Variants in MRPS35 observed in about 807,000 individuals in gnomAD.
MRPS35 encodes small ribosomal subunit protein mS35.
MRPS35 carries 29 observed loss-of-function variants against 32.7 expected under a neutral mutation model. The ratio of observed to expected loss-of-function variants is 0.89; its 90% CI spans 0.66 to 1.21. The LOEUF (loss-of-function observed/expected upper bound fraction) is 1.21. Among genes scored for constraint, MRPS35 ranks in the 50% most tolerant of loss-of-function variants. The pLI, the probability that MRPS35 is intolerant of heterozygous loss-of-function variation, is 0.00. For synonymous variants in MRPS35, 148 were observed against 139.3 expected, an observed-to-expected ratio of 1.06 and a Z score of -0.44; for missense variants, 373 against 383.8, an observed-to-expected ratio of 0.97 and a Z score of 0.23.
intron 7 of MRPS35, among the ~76,000 whole-genome samples, chr12:27,753,923 T>C (rs1269011645): frequency 1.3e-5 from 2 of 152,186 alleles, no homozygotes; most frequent in Non-Finnish European, 2.9e-5. Flanking sequence ...CAAAACATTG[T>C]TCACATTATG....
In MRPS35 at chr12:27,755,516, G is replaced by T; in HGVS notation, c.*66G>T. ...GATATATGTGATCAGTATCTAATTT[G>T]ATATAAAATTGAAAATGTTAAAAAA... On this transcript the variant is annotated 3_prime_UTR_variant, in exon 8 of 8. Transcript: ENST00000081029. 1 of 1,336,984 alleles carries T rather than the reference G, an allele frequency of 7.5e-7. No homozygotes were observed. Among genetic ancestry groups the T allele is most frequent in the Non-Finnish European group, 9.9e-7 (1 of 1,012,266 alleles). The allele number at this position is 1,336,984 out of a possible 1,614,324, so 82.8% of individuals were successfully genotyped here.
chr12:27,727,970 A>G (rs1313170459), intron 5 of MRPS35, among the ~76,000 whole-genome samples: 1 of 152,138 alleles, frequency 6.6e-6, no homozygotes, highest in African/African-American at 2.4e-5. Flanking sequence ...AATAGTTGTT[A>G]TACTGTATTT....
chr12:27,731,843 A>G (rs2061923320), intron 5 of MRPS35, among the ~76,000 whole-genome samples: 2 of 152,248 alleles, frequency 1.3e-5, no homozygotes, highest in Non-Finnish European at 2.9e-5. Context: ...TGCTGGGATT[A>G]CAGGTGTGAG....
At chr12:27,729,062 A>T (rs1259713100) in intron 5 of MRPS35, among the ~76,000 whole-genome samples, 2 of 152,154 alleles carry the variant, frequency 1.3e-5, no homozygotes, top group Non-Finnish European at 2.9e-5. Flanking sequence ...TTGAACAAGT[A>T]ATCTGTGGGT....
At chr12:27,719,099 AAAAC>A (rs1460116963) in intron 3 of MRPS35, among the ~76,000 whole-genome samples, 1 of 152,172 alleles carries the variant, frequency 6.6e-6, no homozygotes, top group African/African-American at 2.4e-5. Context: ...AAAAAAGAAA[AAAAC>A]AAAACAAAAA....
Position 27,751,124 on chromosome 12 carries a change from A to AAAAAAG in MRPS35, c.703-4055_703-4054insAAAGAA, listed in dbSNP as rs71679053. ...TCTCAAAAAAAAAAAAAAAAAAAAA[A>AAAAAAG]AAGAAAAGAAAAGAAAAAGGAAAAG... On this transcript the variant is annotated intron_variant, in intron 7 of 7. Transcript: ENST00000081029. Among the ~76,000 whole-genome samples the AAAAAAG allele has an allele frequency of 7.5e-5, 11 of 147,472 alleles. No individual in the cohort carries two copies. The East Asian group carries it at 1.9e-3, about 25-fold the overall frequency.
chr12:27,714,812 A>C lies in MRPS35; in HGVS notation c.145A>C (p.Arg49=). The C allele has an allele frequency of 6.2e-7, 1 of 1,611,002 alleles. No individual in the cohort carries two copies. Residue 49 remains arginine, a synonymous_variant, in exon 2 of 8, where the codon AGA becomes CGA. Transcript: ENST00000081029. ...AACACCCGGAAATGAAAGGCCACCAAGAAGAAAGGTAAAAAGTTCGTATAC... is the reference window on the plus strand; with the variant it reads ...AACACCCGGAAATGAAAGGCCACCACGAAGAAAGGTAAAAAGTTCGTATAC... ...ERTPGNERPP[R]RKALPPRTEK... is the part of the protein sequence containing the mutation.
In MRPS35 at chr12:27,724,144, AC is replaced by A. The variant is rs1253408465; in HGVS notation, c.482del (p.Pro161HisfsTer10). ...IDSTDYVSSG[P>X]SVRNPRARVV... Reference sequence around the variant, plus strand: ...ACAGCACTGATTATGTTTCATCAGGACCATCTGTTCGGAACCCCAGAGCACG... The same window carrying A: ...ACAGCACTGATTATGTTTCATCAGGACATCTGTTCGGAACCCCAGAGCACG... On this transcript the variant is annotated frameshift_variant, in exon 5 of 8. Transcript: ENST00000081029. LOFTEE classifies it high-confidence loss of function. 6.2e-7 allele frequency: 1 copy of A among 1,611,036 alleles called. No homozygotes were observed. The highest frequency in any genetic ancestry group is 1.7e-5 in the Admixed American group (1 of 59,282).
At chr12:27,737,656 A>C (rs746066731) in intron 7 of MRPS35, 48 bp downstream of exon 7, 6 of 1,441,644 alleles carry the variant, frequency 4.2e-6, no homozygotes, top group Non-Finnish European at 3.9e-6. Context: ...AATTTAGATG[A>C]TGTTAACCTT....
chr12:27,747,705 C>G (rs2061986027), intron 7 of MRPS35, among the ~76,000 whole-genome samples: 1 of 152,104 alleles, frequency 6.6e-6, no homozygotes, highest in Non-Finnish European at 1.5e-5. Context: ...TAGGAGGTGA[C>G]AGGCTTGTGT....
intron 5 of MRPS35, among the ~76,000 whole-genome samples, chr12:27,728,597 T>C (rs1440325533): frequency 6.6e-6 from 1 of 152,134 alleles, no homozygotes; most frequent in Non-Finnish European, 1.5e-5. Context: ...CCCTATTGCC[T>C]TACAAAATGG....
rs150466350 is a variant in MRPS35 at position 27,751,251 on chromosome 12, G to A, written c.703-3930G>A. Among the ~76,000 whole-genome samples, 456 of 152,052 alleles carry A rather than the reference G, an allele frequency of 3.0e-3. 1 individual carries two copies. Among genetic ancestry groups the A allele is most frequent in the Middle Eastern group, 0.024 (7 of 292 alleles). On this transcript the variant is annotated intron_variant, in intron 7 of 7. Coordinates refer to ENST00000081029, the MANE Select transcript of MRPS35 (RefSeq NM_021821.4). The stretch of plus-strand genomic sequence containing the variant: ...CCAGGCCTTTTACAGAATGTAGTTT[G>A]TTTTCCTTACTAATGACTTTAAACC...
chr12:27,734,092 C>T (rs918979028), intron 5 of MRPS35, among the ~76,000 whole-genome samples: 5 of 152,172 alleles, frequency 3.3e-5, no homozygotes, highest in African/African-American at 1.2e-4. Context: ...ATTGAAGCTA[C>T]AGAAAACCAA....
At chr12:27,725,280 G>A (rs2061895288) in intron 5 of MRPS35, among the ~76,000 whole-genome samples, 2 of 152,190 alleles carry the variant, frequency 1.3e-5, no homozygotes, top group South Asian at 4.1e-4. Context: ...CCAAGACAGT[G>A]TTTGAATCTG....
At chr12:27,754,414 C>T (rs907413310) in intron 7 of MRPS35, among the ~76,000 whole-genome samples, 9 of 152,052 alleles carry the variant, frequency 5.9e-5, no homozygotes, top group African/African-American at 2.2e-4. Flanking sequence ...TCTCAGCTCT[C>T]ATTATTTTTA....
chr12:27,739,855 T>G (rs1300575898), intron 7 of MRPS35, among the ~76,000 whole-genome samples: 1 of 152,264 alleles, frequency 6.6e-6, no homozygotes, highest in Non-Finnish European at 1.5e-5. Context: ...TGGGATTCTT[T>G]CTGTGGTTCC....
At chr12:27,719,623 G>A (rs1373848176) in intron 3 of MRPS35, among the ~76,000 whole-genome samples, 185 bp from the exon 4 acceptor site, 2 of 149,144 alleles carry the variant, frequency 1.3e-5, no homozygotes, top group East Asian at 2.0e-4. Context: ...CCGAGATTGC[G>A]CCACTGCAGT....
intron 4 of MRPS35, among the ~76,000 whole-genome samples, chr12:27,723,574 G>T (rs2061886044): frequency 6.6e-6 from 1 of 152,180 alleles, no homozygotes; most frequent in Non-Finnish European, 1.5e-5. Flanking sequence ...GACGACTGTT[G>T]ACTCCATCTC....
intron 5 of MRPS35, among the ~76,000 whole-genome samples, chr12:27,729,465 G>A (rs1401141925): frequency 2.0e-5 from 3 of 152,014 alleles, no homozygotes; most frequent in African/African-American, 7.3e-5. Context: ...TAAAATTTCT[G>A]AAGTCATATT....
Sources: gnomAD v4.1 joint callset for allele counts (sites outside exome capture counted in the v4.1 genomes callset) on GRCh38, gnomAD v4.1.1 for gene constraint, MANE v1.5 for transcripts, NCBI Gene and HGNC (gene_info 2026-07-23, HGNC 2026-07-21) for gene names.